Variants in CFAP251 observed in about 807,000 individuals in gnomAD.
CFAP251 encodes the protein cilia and flagella associated protein 251.
CFAP251 carries 93 observed loss-of-function variants against 126.7 expected under a neutral mutation model. The observed-to-expected ratio is 0.73, with a 90% CI of 0.62 to 0.87. The LOEUF (loss-of-function observed/expected upper bound fraction) is 0.87, where lower values mean the gene tolerates loss of function less well. CFAP251 is among the 40% of genes least tolerant of loss of function. The pLI, the probability that CFAP251 is intolerant of heterozygous loss-of-function variation, is 0.00. For missense variants in CFAP251, 1,287 were observed against 1,389.2 expected (o/e 0.93, Z 1.17); for synonymous variants, 503 against 506.9 (o/e 0.99, Z 0.10).
chr12:121,937,810 G>A (rs1880950865), intron 5 of CFAP251, among the ~76,000 whole-genome samples: 2 of 152,238 alleles, frequency 1.3e-5, no homozygotes, highest in South Asian at 4.1e-4. Flanking sequence ...CTTCTCTGTG[G>A]CATCTAACAC....
At chr12:121,955,451 T>G (rs1019748064) in intron 10 of CFAP251, among the ~76,000 whole-genome samples, 3 of 152,146 alleles carry the variant, frequency 2.0e-5, no homozygotes, top group Non-Finnish European at 4.4e-5. Context: ...TTTCTTCATC[T>G]GTAAAATGGG....
chr12:121,999,954 T>C lies in CFAP251; in HGVS notation c.3235+10T>C. 1 of 1,599,678 alleles carries C rather than the reference T, an allele frequency of 6.3e-7. No individual in the cohort carries two copies. On this transcript the variant is annotated intron_variant, in intron 20 of 21. Transcript: ENST00000288912. ...CTGCTCGTTACTAAAGGTAAGCACA[T>C]ACATCAGGATGTCTGGTAACATCCT... is the stretch of plus-strand genomic sequence containing the variant.
In CFAP251 at chr12:121,975,354, A is replaced by C. The variant is rs758828354; in HGVS notation, c.2862+20A>C. On this transcript the variant is annotated intron_variant, in intron 18 of 21. Transcript: ENST00000288912. ...TACAGGGTAATTGTCCCTAGAGTAA[A>C]CACCTCCTGGTAACATCTAGTTAAG... The C allele has an allele frequency of 3.6e-5, 58 of 1,608,184 alleles. No individual in the cohort carries two copies. The Middle Eastern group carries it at 9.9e-4, about 27-fold the overall frequency.
chr12:122,002,475 G>A (rs1207452678), intron 21 of CFAP251, among the ~76,000 whole-genome samples: 11 of 152,046 alleles, frequency 7.2e-5, no homozygotes, highest in African/African-American at 2.2e-4. Context: ...AGGTGTTCAC[G>A]GCTGCGGTGA....
At chr12:121,937,159 G>T (rs1440967039) in intron 5 of CFAP251, among the ~76,000 whole-genome samples, 2 of 152,258 alleles carry the variant, frequency 1.3e-5, no homozygotes, top group Non-Finnish European at 2.9e-5. Context: ...AAACCAAGGT[G>T]TCGGCAGGGT....
intron 3 of CFAP251, among the ~76,000 whole-genome samples, chr12:121,931,436 C>T (rs1032609013): frequency 6.6e-6 from 1 of 152,194 alleles, no homozygotes. Context: ...CCTCAGCCTC[C>T]CAAGTAGCTG....
intron 7 of CFAP251, 126 bp from the exon 8 acceptor site, chr12:121,948,858 C>A: frequency 3.7e-6 from 2 of 540,920 alleles, no homozygotes; most frequent in Non-Finnish European, 3.2e-6. Context: ...TTACGAAATG[C>A]GGTATCTTTT....
intron 19 of CFAP251, among the ~76,000 whole-genome samples, chr12:121,981,656 C>T (rs143632072): frequency 1.3e-5 from 2 of 152,342 alleles, no homozygotes; most frequent in African/African-American, 4.8e-5. Flanking sequence ...ACCTGAGGTT[C>T]ACACTTCTAT....
intron 8 of CFAP251, chr12:121,950,168 G>A (rs1881469939): frequency 6.6e-6 from 1 of 152,212 alleles, no homozygotes; most frequent in South Asian, 2.1e-4. Context: ...TACATGCTGT[G>A]ACATGGATCA....
intron 7 of CFAP251, chr12:121,947,989 C>CT (rs1565909114): frequency 6.6e-6 from 1 of 152,258 alleles, no homozygotes; most frequent in South Asian, 2.1e-4. Context: ...ACTTAAAAAG[C>CT]TTTTTTCCAG....
chr12:121,964,056 G>A (rs1377176486), intron 15 of CFAP251, among the ~76,000 whole-genome samples: 1 of 152,126 alleles, frequency 6.6e-6, no homozygotes, highest in African/African-American at 2.4e-5. Flanking sequence ...CAGGGAACTG[G>A]CAGCAGCTGG....
intron 19 of CFAP251, chr12:121,997,789 T>G (rs1342831066): frequency 6.6e-6 from 1 of 151,862 alleles, no homozygotes; most frequent in African/African-American, 2.4e-5. Flanking sequence ...TTTGCACTTG[T>G]CACCCAGGCT....
chr12:121,933,129 C>G (rs1331669097), intron 4 of CFAP251: 1 of 152,212 alleles, frequency 6.6e-6, no homozygotes, highest in African/African-American at 2.4e-5. Context: ...AGATGTTAAA[C>G]AAGTGAACAC....
chr12:121,939,575 T>A (rs1411681705), intron 5 of CFAP251, among the ~76,000 whole-genome samples: 1 of 150,846 alleles, frequency 6.6e-6, no homozygotes, highest in Non-Finnish European at 1.5e-5. Context: ...CTACTAGACA[T>A]GAAGCAACTT....
At chr12:121,924,977 TC>T (rs747333721) in intron 3 of CFAP251, among the ~76,000 whole-genome samples, 5 of 151,290 alleles carry the variant, frequency 3.3e-5, no homozygotes, top group Non-Finnish European at 4.4e-5. Flanking sequence ...TCCCTCTTCT[TC>T]CCCTCCCCTC....
At chr12:122,000,054 G>A in intron 20 of CFAP251, 110 bp downstream of exon 20, 1 of 989,196 alleles carries the variant, frequency 1.0e-6, no homozygotes, top group Non-Finnish European at 1.5e-6. Context: ...TGAAAGAGGT[G>A]ATTTGACCAG....
Position 121,999,957 on chromosome 12 carries a change from A to G in CFAP251, c.3235+13A>G. ...CTCGTTACTAAAGGTAAGCACATAC[A>G]TCAGGATGTCTGGTAACATCCTGGG... On this transcript the variant is annotated intron_variant, in intron 20 of 21. Transcript: ENST00000288912. 6.3e-7 allele frequency: 1 copy of G among 1,596,414 alleles called. No homozygotes were observed. Among genetic ancestry groups the G allele is most frequent in the Non-Finnish European group, 8.6e-7 (1 of 1,164,792 alleles).
At position 121,984,016 on chromosome 12, in the gene CFAP251, G is replaced by T. The variant is rs140478535; in HGVS notation, c.3006+8331G>T. On this transcript the variant is annotated intron_variant, in intron 19 of 21. Transcript: ENST00000288912. Reference sequence around the variant, plus strand: ...CTTCAGGAAGTTGCATGGAGTATACGCCTCACTACTGGAGTGTGTTCACAC... The same window carrying T: ...CTTCAGGAAGTTGCATGGAGTATACTCCTCACTACTGGAGTGTGTTCACAC... 4.5e-3 allele frequency among the ~76,000 whole-genome samples: 687 copies of T among 152,232 alleles called. 9 individuals are homozygous for T. The highest frequency in any genetic ancestry group is 0.016 in the African/African-American group (659 of 41,540).
chr12:121,978,347 T>TGC (rs1882525041), intron 19 of CFAP251, among the ~76,000 whole-genome samples: 2 of 121,540 alleles, frequency 1.6e-5, no homozygotes, highest in Admixed American at 2.0e-4. Flanking sequence ...TGAGCCGAGA[T>TGC]CGTGCCACTG....
Sources: gnomAD v4.1 joint callset for allele counts (sites outside exome capture counted in the v4.1 genomes callset) on GRCh38, gnomAD v4.1.1 for gene constraint, MANE v1.5 for transcripts, NCBI Gene and HGNC (gene_info 2026-07-23, HGNC 2026-07-21) for gene names.